CHN2: variants seen among roughly 807,000 people sequenced by gnomAD.
CHN2 encodes beta-chimaerin.
In CHN2, 35 loss-of-function variants were observed where a neutral mutation model predicts 56.3. The observed-to-expected ratio is 0.62, with a 90% CI of 0.47 to 0.82. CHN2 has a LOEUF of 0.82. CHN2 is among the 40% of genes least tolerant of loss of function. The pLI is 0.00. For missense variants in CHN2, 491 were observed against 580.5 expected, an observed-to-expected ratio of 0.85 and a Z score of 1.58; for synonymous variants, 210 against 212.8, an observed-to-expected ratio of 0.99 and a Z score of 0.12.
chr7:29,332,995 C>A (rs1796341030), intron 1 of CHN2: 2 of 152,014 alleles, frequency 1.3e-5, no homozygotes, highest in Non-Finnish European at 2.9e-5. Flanking sequence ...AGGATAACGG[C>A]ATGGAGTATT....
chr7:29,150,293 G>A (rs1230238969), intron 2 of CHN2, among the ~76,000 whole-genome samples: 1 of 152,100 alleles, frequency 6.6e-6, no homozygotes, highest in Admixed American at 6.5e-5. Flanking sequence ...GCTATCTTGC[G>A]GTATTATCAA....
chr7:29,309,141 A>C (rs1434807615), intron 1 of CHN2, among the ~76,000 whole-genome samples: 1 of 152,216 alleles, frequency 6.6e-6, no homozygotes, highest in Non-Finnish European at 1.5e-5. Flanking sequence ...ATAGTCTTTT[A>C]CAAGAATAAA....
intron 2 of CHN2, among the ~76,000 whole-genome samples, chr7:29,359,087 A>G (rs549072926): frequency 1.3e-4 from 20 of 152,202 alleles, no homozygotes; most frequent in African/African-American, 4.1e-4. Context: ...ACATCTAACA[A>G]AGTCTCGGAA....
chr7:29,343,319 C>T (rs996314554), intron 1 of CHN2, among the ~76,000 whole-genome samples: 12 of 152,182 alleles, frequency 7.9e-5, no homozygotes, highest in Non-Finnish European at 1.8e-4. Flanking sequence ...AGATCAGGGA[C>T]ATGGCCAGTG....
At chr7:29,203,072 T>C (rs372529666) in intron 1 of CHN2, among the ~76,000 whole-genome samples, 1 of 152,206 alleles carries the variant, frequency 6.6e-6, no homozygotes, top group African/African-American at 2.4e-5. Context: ...GCTACAAGTG[T>C]AAAATTCACA....
Position 29,226,329 on chromosome 7 carries a change from A to C in CHN2, c.49+31339A>C, listed in dbSNP as rs183564060. 1.5e-3 allele frequency among the ~76,000 whole-genome samples: 236 copies of C among 152,364 alleles called. 1 individual carries two copies. The highest frequency in any genetic ancestry group is 5.3e-3 in the African/African-American group (221 of 41,588). ...AAACTAGGTAATACTGGGGATAGCC[A>C]AGCCCACAGAGTACAGCAGCATGAA... On this transcript the variant is annotated intron_variant, in intron 1 of 12. Transcript: ENST00000222792.
chr7:29,454,284 G>A (rs1004330770), intron 6 of CHN2, among the ~76,000 whole-genome samples: 2 of 152,206 alleles, frequency 1.3e-5, no homozygotes, highest in African/African-American at 4.8e-5. Context: ...AGAGCAGTGT[G>A]TGGCACATAC....
At chr7:29,249,960 A>G (rs39098) in intron 1 of CHN2, among the ~76,000 whole-genome samples, 40,739 of 152,112 alleles carry the variant, frequency 0.27, 6,250 homozygotes, top group Admixed American at 0.34. Context: ...CTTTTCTTCT[A>G]CTCTCTTGCC....
At chr7:29,183,814 A>G (rs910942275) in intron 2 of CHN2, among the ~76,000 whole-genome samples, 2 of 152,222 alleles carry the variant, frequency 1.3e-5, no homozygotes, top group African/African-American at 2.4e-5. Flanking sequence ...ATATGCAGTC[A>G]GCTCTCTATA....
At chr7:29,383,062 C>T (rs991083533) in intron 3 of CHN2, among the ~76,000 whole-genome samples, 2 of 152,104 alleles carry the variant, frequency 1.3e-5, no homozygotes, top group African/African-American at 2.4e-5. Flanking sequence ...CCAGTAAATA[C>T]GTATTGAGCC....
At chr7:29,380,976 G>A (rs1481523635) in intron 3 of CHN2, among the ~76,000 whole-genome samples, 2 of 152,196 alleles carry the variant, frequency 1.3e-5, no homozygotes, top group East Asian at 1.9e-4. Context: ...GCCTTATTCT[G>A]TAGAGAATAT....
intron 6 of CHN2, among the ~76,000 whole-genome samples, chr7:29,465,673 T>C (rs1057329380): frequency 7.2e-5 from 11 of 152,210 alleles, no homozygotes; most frequent in African/African-American, 1.9e-4. Flanking sequence ...TTAGAGTTAA[T>C]TGCCATTTCT....
chr7:29,495,273 G>C (rs1055158061), intron 7 of CHN2, among the ~76,000 whole-genome samples: 5 of 152,116 alleles, frequency 3.3e-5, no homozygotes, highest in African/African-American at 9.7e-5. Context: ...GTGATATTCA[G>C]AATATTTAAC....
intron 6 of CHN2, among the ~76,000 whole-genome samples, chr7:29,416,447 GA>G (rs1173682034): frequency 1.3e-5 from 2 of 152,180 alleles, no homozygotes; most frequent in Non-Finnish European, 2.9e-5. Flanking sequence ...AAAATGGGGT[GA>G]AAAAGGGCAG....
In CHN2 at chr7:29,468,945, A is replaced by G. The variant is rs146325356; in HGVS notation, c.577-11334A>G. Among the ~76,000 whole-genome samples, 148 of 152,296 alleles carry G rather than the reference A, an allele frequency of 9.7e-4. 1 individual carries two copies. The highest frequency in any genetic ancestry group is 3.5e-3 in the African/African-American group (144 of 41,560). On this transcript the variant is annotated intron_variant, in intron 6 of 12. Transcript: ENST00000222792. ...CTCTAAAATCCATCTACCCATAAGT[A>G]GATTTCTGGCATCTGTCTCTTCAGG...
intron 1 of CHN2, among the ~76,000 whole-genome samples, chr7:29,343,235 A>ATCC (rs1797176102): frequency 6.6e-6 from 1 of 152,216 alleles, no homozygotes; most frequent in Non-Finnish European, 1.5e-5. Flanking sequence ...GTCCACCAGG[A>ATCC]AAGCATCTCC....
chr7:29,272,605 A>G (rs74977069), intron 1 of CHN2, among the ~76,000 whole-genome samples: 3,329 of 152,222 alleles, frequency 0.022, 122 homozygotes, highest in African/African-American at 0.076. Context: ...AAGTTGCCAC[A>G]TTCTTCTATG....
intron 7 of CHN2, among the ~76,000 whole-genome samples, chr7:29,494,443 C>G (rs1789017120): frequency 6.6e-6 from 1 of 152,116 alleles, no homozygotes; most frequent in Non-Finnish European, 1.5e-5. Context: ...AGATAGGATA[C>G]TTTACTGAGG....
intron 1 of CHN2, among the ~76,000 whole-genome samples, chr7:29,338,693 C>T (rs1214657461): frequency 6.6e-6 from 1 of 152,162 alleles, no homozygotes; most frequent in Non-Finnish European, 1.5e-5. Context: ...ATTCTCATGC[C>T]TCAGCCTCCT....
Sources: allele counts gnomAD v4.1 joint callset (sites outside exome capture counted in the v4.1 genomes callset), GRCh38; gene constraint gnomAD v4.1.1; transcripts MANE v1.5; gene names NCBI Gene and HGNC (gene_info 2026-07-23, HGNC 2026-07-21).